Variants in VPS41 observed in about 807,000 individuals in gnomAD.
VPS41 encodes VPS41 subunit of HOPS complex, also known as vacuolar protein sorting-associated protein 41 homolog.
In VPS41, 85 loss-of-function variants were observed where a neutral mutation model predicts 130.9. The observed-to-expected ratio is 0.65, with a 90% CI of 0.55 to 0.78. VPS41 has a LOEUF of 0.78. Ranked by LOEUF, VPS41 falls within the 30% of genes least tolerant of loss-of-function variation. The pLI is 0.00. For synonymous variants in VPS41, 335 were observed against 332.9 expected, an observed-to-expected ratio of 1.01 and a Z score of -0.07; for missense variants, 874 against 1,018.7, an observed-to-expected ratio of 0.86 and a Z score of 1.93.
chr7:38,851,758 C>T (rs1351720051), intron 4 of VPS41, among the ~76,000 whole-genome samples: 3 of 152,168 alleles, frequency 2.0e-5, no homozygotes, highest in African/African-American at 4.8e-5. Context: ...GTTACACTAT[C>T]GTACATCCAC....
At chr7:38,885,044 G>A (rs1321911662) in intron 2 of VPS41, among the ~76,000 whole-genome samples, 1 of 152,128 alleles carries the variant, frequency 6.6e-6, no homozygotes, top group African/African-American at 2.4e-5. Context: ...AATACACCAA[G>A]AACCTATTCA....
At chr7:38,895,344 T>A (rs1020486323) in intron 2 of VPS41, among the ~76,000 whole-genome samples, 1 of 151,642 alleles carries the variant, frequency 6.6e-6, no homozygotes, top group African/African-American at 2.4e-5. Flanking sequence ...AATAAAAAAA[T>A]AAAAAAAACA....
chr7:38,769,861 T>C (rs1165057329), intron 14 of VPS41, among the ~76,000 whole-genome samples: 2 of 152,170 alleles, frequency 1.3e-5, no homozygotes, highest in African/African-American at 2.4e-5. Context: ...AGAATCTTTC[T>C]AACAGGGAAA....
At chr7:38,773,706 C>A (rs1784198640) in intron 12 of VPS41, among the ~76,000 whole-genome samples, 1 of 152,154 alleles carries the variant, frequency 6.6e-6, no homozygotes, top group African/African-American at 2.4e-5. Context: ...AGGCTCTGAG[C>A]ACTCAGTTAC....
chr7:38,822,934 C>T (rs1034611848), intron 5 of VPS41, among the ~76,000 whole-genome samples: 5 of 152,178 alleles, frequency 3.3e-5, no homozygotes, highest in Non-Finnish European at 5.9e-5. Flanking sequence ...CCAATGAGAA[C>T]TATTTCCCAA....
chr7:38,848,731 C>T (rs964187011), intron 4 of VPS41, among the ~76,000 whole-genome samples: 1 of 152,154 alleles, frequency 6.6e-6, no homozygotes, highest in African/African-American at 2.4e-5. Flanking sequence ...GGCTGGCTGG[C>T]GTCTGACCCC....
intron 4 of VPS41, among the ~76,000 whole-genome samples, chr7:38,846,519 G>C (rs1584424996): frequency 1.3e-5 from 2 of 152,182 alleles, no homozygotes; most frequent in South Asian, 4.1e-4. Context: ...GCGCAATGCA[G>C]GGGACCACTG....
chr7:38,732,331 G>C (rs1795681555), intron 25 of VPS41, among the ~76,000 whole-genome samples: 1 of 152,176 alleles, frequency 6.6e-6, no homozygotes, highest in Non-Finnish European at 1.5e-5. Flanking sequence ...CTGGGTCATG[G>C]AGTAGGTGTA....
intron 3 of VPS41, among the ~76,000 whole-genome samples, chr7:38,866,427 T>C (rs1046765988): frequency 6.6e-6 from 1 of 151,750 alleles, no homozygotes; most frequent in African/African-American, 2.4e-5. Flanking sequence ...AGAGCAAGAG[T>C]AGTAAGAAAA....
chr7:38,881,944 CT>C (rs1232499627), intron 2 of VPS41, among the ~76,000 whole-genome samples: 3 of 152,102 alleles, frequency 2.0e-5, no homozygotes, highest in Non-Finnish European at 4.4e-5. Flanking sequence ...TTCTGAATAC[CT>C]TTTAATGCCA....
intron 14 of VPS41, among the ~76,000 whole-genome samples, chr7:38,768,593 A>C (rs1784093833): frequency 6.6e-6 from 1 of 152,224 alleles, no homozygotes; most frequent in Non-Finnish European, 1.5e-5. Context: ...CTACTATGTG[A>C]GAAATCATAT....
intron 7 of VPS41, among the ~76,000 whole-genome samples, chr7:38,805,396 G>A (rs1449720016): frequency 2.0e-5 from 3 of 152,086 alleles, no homozygotes; most frequent in African/African-American, 7.2e-5. Flanking sequence ...AGCTGGGCGT[G>A]GTGGTGCACG....
chr7:38,794,081 T>C (rs1784578879), intron 9 of VPS41, among the ~76,000 whole-genome samples: 1 of 152,184 alleles, frequency 6.6e-6, no homozygotes, highest in African/African-American at 2.4e-5. Flanking sequence ...AGTAAACTTG[T>C]TACATATTTC....
Position 38,774,090 on chromosome 7 carries a change from C to T in VPS41, c.1012+25G>A, listed in dbSNP as rs750583834. The T allele has an allele frequency of 4.5e-6, 7 of 1,566,350 alleles. No individual in the cohort carries two copies. The South Asian group carries it at 8.3e-5, about 19-fold the overall frequency. On this transcript the variant is annotated intron_variant, in intron 12 of 28. Coordinates refer to ENST00000310301, the MANE Select transcript of VPS41 (RefSeq NM_014396.4). ...AGAAAAAAACATTAAAAAAGCATAT[C>T]AGCCAGATCTTTCATATCTCCTACC...
At chr7:38,778,323 TCCA>T (rs879431287) in intron 10 of VPS41, among the ~76,000 whole-genome samples, 5 of 152,140 alleles carry the variant, frequency 3.3e-5, no homozygotes, top group Non-Finnish European at 7.4e-5. Context: ...CACCTCAACC[TCCA>T]CCACATGTGC....
chr7:38,848,246 T>C (rs1785769291), intron 4 of VPS41, among the ~76,000 whole-genome samples: 1 of 152,192 alleles, frequency 6.6e-6, no homozygotes, highest in Non-Finnish European at 1.5e-5. Flanking sequence ...ACACACCTAA[T>C]TACTCAAGCT....
chr7:38,770,489 T>A (rs1176593320), intron 14 of VPS41, among the ~76,000 whole-genome samples: 1 of 152,128 alleles, frequency 6.6e-6, no homozygotes, highest in Non-Finnish European at 1.5e-5. Flanking sequence ...ATTATTTTGC[T>A]TCTGCACTCT....
At chr7:38,795,244 C>T (rs571564785) in intron 9 of VPS41, among the ~76,000 whole-genome samples, 5 of 152,030 alleles carry the variant, frequency 3.3e-5, no homozygotes, top group Non-Finnish European at 7.4e-5. Context: ...ATTCTCAACA[C>T]GAAAAAGTTC....
intron 4 of VPS41, among the ~76,000 whole-genome samples, chr7:38,853,177 T>A (rs1271285584): frequency 1.3e-5 from 2 of 152,098 alleles, no homozygotes; most frequent in Non-Finnish European, 2.9e-5. Context: ...CCCAGCACTT[T>A]GGGAAGCCGA....
Sources: gnomAD v4.1 joint callset for allele counts (sites outside exome capture counted in the v4.1 genomes callset) on GRCh38, gnomAD v4.1.1 for gene constraint, MANE v1.5 for transcripts, NCBI Gene and HGNC (gene_info 2026-07-23, HGNC 2026-07-21) for gene names.